PDE1C: variants seen among roughly 807,000 people sequenced by gnomAD.
The protein encoded by PDE1C is dual specificity calcium/calmodulin-dependent 3',5'-cyclic nucleotide phosphodiesterase 1C.
PDE1C carries 62 observed loss-of-function variants against 93.1 expected under a neutral mutation model. The observed-to-expected ratio is 0.67, with a 90% CI of 0.54 to 0.82. The LOEUF (loss-of-function observed/expected upper bound fraction) is 0.82. Among genes scored for constraint, PDE1C ranks in the 40% least tolerant of loss-of-function variants. The pLI is 0.00. For missense variants in PDE1C, 742 were observed against 884.6 expected, an observed-to-expected ratio of 0.84 and a Z score of 2.04; for synonymous variants, 325 against 310.1, an observed-to-expected ratio of 1.05 and a Z score of -0.50.
At chr7:32,225,686 A>C (rs1048081724) in intron 1 of PDE1C, among the ~76,000 whole-genome samples, 1 of 152,152 alleles carries the variant, frequency 6.6e-6, no homozygotes, top group Non-Finnish European at 1.5e-5. Context: ...GAAAGGAAAA[A>C]CCAAGGAGGT....
intron 1 of PDE1C, among the ~76,000 whole-genome samples, chr7:32,397,529 A>T (rs1307714912): frequency 6.6e-6 from 1 of 152,214 alleles, no homozygotes; most frequent in Non-Finnish European, 1.5e-5. Context: ...TAAAAATTAC[A>T]TGTGCATTTG....
the PDE1C span, among the ~76,000 whole-genome samples, chr7:31,620,104 G>A: frequency 1.3e-5 from 2 of 152,174 alleles, no homozygotes; most frequent in African/African-American, 4.8e-5. Flanking sequence ...AAGCAGCCGG[G>A]AAGCTCCAAC....
chr7:31,909,479 C>G lies in PDE1C; in HGVS notation c.129-28619G>C, dbSNP rs545058382. Among the ~76,000 whole-genome samples the G allele has an allele frequency of 2.3e-3, 354 of 152,152 alleles. 2 individuals are homozygous for G. Among genetic ancestry groups the G allele is most frequent in the African/African-American group, 8.3e-3 (344 of 41,496 alleles). On this transcript the variant is annotated intron_variant, in intron 2 of 17. Transcript: ENST00000396191. ...ATTCATCACTGCAATGATCGGGACGCACAGCATAGAAATATATACATATAT... is the reference window on the plus strand; with the variant it reads ...ATTCATCACTGCAATGATCGGGACGGACAGCATAGAAATATATACATATAT...
the PDE1C span, among the ~76,000 whole-genome samples, chr7:31,737,398 C>A: frequency 1.3e-5 from 2 of 152,104 alleles, no homozygotes; most frequent in Non-Finnish European, 2.9e-5. Context: ...TTTTGAAACC[C>A]AGAATCAAAA....
At chr7:32,093,587 C>T (rs1797590521) in intron 3 of PDE1C, among the ~76,000 whole-genome samples, 1 of 152,232 alleles carries the variant, frequency 6.6e-6, no homozygotes, top group African/African-American at 2.4e-5. Flanking sequence ...GCTGGCCCTG[C>T]TCATGCATTC....
chr7:32,191,270 C>A (rs1804210683), intron 2 of PDE1C, among the ~76,000 whole-genome samples: 1 of 152,132 alleles, frequency 6.6e-6, no homozygotes, highest in Non-Finnish European at 1.5e-5. Context: ...TTTTGTAACA[C>A]CATAGTACAA....
intron 1 of PDE1C, among the ~76,000 whole-genome samples, chr7:32,237,762 ACTTT>A (rs1562607037): frequency 0.13 from 4,606 of 35,448 alleles, 263 homozygotes; most frequent in Middle Eastern, 0.23. Flanking sequence ...ATATATATAT[ACTTT>A]TTTTTTTTTT....
intron 7 of PDE1C, among the ~76,000 whole-genome samples, chr7:31,862,519 T>TACTGAATGCCATAGGCCGGGTGA (rs1231718255): frequency 6.6e-6 from 1 of 152,034 alleles, no homozygotes; most frequent in Non-Finnish European, 1.5e-5. Context: ...AAGCTTAAGA[T>TACTGAATGCCATAGGCCGGGTGA]CAAGGCGCTG....
chr7:32,418,072 T>C (rs547103895), intron 1 of PDE1C, among the ~76,000 whole-genome samples: 2 of 152,308 alleles, frequency 1.3e-5, no homozygotes, highest in African/African-American at 4.8e-5. Flanking sequence ...CACTGCAGCT[T>C]CAAACTCCTG....
intron 1 of PDE1C, among the ~76,000 whole-genome samples, chr7:32,356,612 C>T (rs928133647): frequency 6.6e-6 from 1 of 152,156 alleles, no homozygotes; most frequent in African/African-American, 2.4e-5. Flanking sequence ...AAAAGAAGTA[C>T]CATGGACAGT....
rs148652512 is a variant in PDE1C at position 32,015,475 on chromosome 7, G to A, written c.128+36079C>T. Among the ~76,000 whole-genome samples the A allele has an allele frequency of 1.1e-4, 17 of 152,178 alleles. 1 individual carries two copies. Among genetic ancestry groups the A allele is most frequent in the Middle Eastern group, 6.8e-3 (2 of 294 alleles). On this transcript the variant is annotated intron_variant, in intron 2 of 17. Coordinates refer to ENST00000396191, the MANE Select transcript of PDE1C (RefSeq NM_001191057.4). The stretch of plus-strand genomic sequence containing the variant: ...GTAATCAATGTTTAAGATAAAACAT[G>A]CAGCGGAAATAAAAAGGACAATTTA...
At chr7:32,306,000 T>C (rs369177475) in intron 1 of PDE1C, among the ~76,000 whole-genome samples, 3 of 152,190 alleles carry the variant, frequency 2.0e-5, no homozygotes, top group African/African-American at 4.8e-5. Context: ...AATTGAATCA[T>C]AGGGGCGGTT....
intron 2 of PDE1C, 98 bp from the exon 3 acceptor site, chr7:31,880,958 C>T: frequency 1.3e-6 from 1 of 771,914 alleles, no homozygotes; most frequent in Non-Finnish European, 2.2e-6. Context: ...AATATTCTCA[C>T]TTATTCTGAT....
At chr7:32,239,255 G>T (rs1808369867) in intron 1 of PDE1C, among the ~76,000 whole-genome samples, 1 of 152,044 alleles carries the variant, frequency 6.6e-6, no homozygotes, top group South Asian at 2.1e-4. Flanking sequence ...ATATAGCCAA[G>T]CGTGATGGTG....
chr7:32,372,150 T>C (rs1399018112), intron 1 of PDE1C, among the ~76,000 whole-genome samples: 1 of 148,670 alleles, frequency 6.7e-6, no homozygotes, highest in East Asian at 2.0e-4. Flanking sequence ...AACTCCTGAG[T>C]TCAAGCGACT....
intron 2 of PDE1C, among the ~76,000 whole-genome samples, chr7:32,207,804 A>G (rs538196971): frequency 6.0e-4 from 92 of 152,322 alleles, no homozygotes; most frequent in African/African-American, 2.2e-3. Context: ...TTCTCTGTGA[A>G]GGGACAAATT....
intron 2 of PDE1C, among the ~76,000 whole-genome samples, chr7:31,940,087 C>T (rs1218423714): frequency 6.6e-6 from 1 of 152,166 alleles, no homozygotes; most frequent in African/African-American, 2.4e-5. Context: ...AATGCTCAAG[C>T]CCCACCTGGA....
At chr7:31,958,500 C>A (rs79693636) in intron 2 of PDE1C, among the ~76,000 whole-genome samples, 2,682 of 152,262 alleles carry the variant, frequency 0.018, 78 homozygotes, top group African/African-American at 0.061. Flanking sequence ...ATCTGAATAT[C>A]CAGCCTTGAT....
At chr7:31,833,271 A>G (rs1217404230) in intron 11 of PDE1C, among the ~76,000 whole-genome samples, 1 of 152,154 alleles carries the variant, frequency 6.6e-6, no homozygotes, top group Non-Finnish European at 1.5e-5. Context: ...TGAGTCAATT[A>G]AACTTCTTTC....
Sources: allele counts gnomAD v4.1 joint callset (sites outside exome capture counted in the v4.1 genomes callset), GRCh38; gene constraint gnomAD v4.1.1; transcripts MANE v1.5; gene names NCBI Gene and HGNC (gene_info 2026-07-23, HGNC 2026-07-21).